Variants in FAT3 observed in about 807,000 individuals in gnomAD.
FAT3 encodes protocadherin Fat 3.
A neutral mutation model predicts 310.2 loss-of-function variants in FAT3; 95 were observed. The ratio of observed to expected loss-of-function variants is 0.31; its 90% CI spans 0.26 to 0.36. FAT3 has a LOEUF of 0.36. FAT3 is among the 10% of genes least tolerant of loss of function. The probability of loss-of-function intolerance (pLI) is 1.00; values close to 1 mark genes in which losing one functional copy is unlikely to be tolerated. For synonymous variants in FAT3, 2,314 were observed against 2,192.9 expected, an observed-to-expected ratio of 1.06 and a Z score of -1.54; for missense variants, 5,408 against 5,715.6, an observed-to-expected ratio of 0.95 and a Z score of 1.74.
At chr11:92,496,795 T>C (rs1294043104) in intron 2 of FAT3, among the ~76,000 whole-genome samples, 1 of 152,008 alleles carries the variant, frequency 6.6e-6, no homozygotes, top group Non-Finnish European at 1.5e-5. Flanking sequence ...TTATGTTTTA[T>C]AATATGAGAG....
chr11:92,440,788 A>G (rs1310617750), intron 2 of FAT3, among the ~76,000 whole-genome samples: 1 of 152,232 alleles, frequency 6.6e-6, no homozygotes, highest in Non-Finnish European at 1.5e-5. Flanking sequence ...TTCCAACCCC[A>G]AACTTTTTAA....
chr11:92,829,830 C>A (rs943009450), intron 13 of FAT3, among the ~76,000 whole-genome samples: 1 of 152,160 alleles, frequency 6.6e-6, no homozygotes, highest in Non-Finnish European at 1.5e-5. Context: ...GAACCAAGAA[C>A]AGGCTCTCAG....
rs747540079 is a variant in FAT3 at position 92,354,125 on chromosome 11, C to A, written c.2013C>A (p.Val671=). 12 of 1,613,720 alleles carry A rather than the reference C, an allele frequency of 7.4e-6. 1 individual carries two copies. In the South Asian group the frequency reaches 1.2e-4, roughly 16 times the overall value. ...ACCCCATGTCTATTAACATTTCAGT[C>A]CTACATGGGAAAGTGTCTTCAAAGA... ...LADPMSINIS[V]LHGKVSSKSF... is the part of the protein sequence containing the mutation. The change falls in exon 2 of 28, where the codon GTC becomes GTA. Residue 671 remains valine, a synonymous_variant. Transcript: ENST00000525166.
intron 1 of FAT3, among the ~76,000 whole-genome samples, chr11:92,310,527 AT>A (rs1464308167): frequency 6.6e-6 from 1 of 152,058 alleles, no homozygotes; most frequent in Non-Finnish European, 1.5e-5. Flanking sequence ...AACTATATAA[AT>A]TTTTTATTTG....
chr11:92,761,323 A>G (rs1490428631), intron 4 of FAT3, among the ~76,000 whole-genome samples: 1 of 152,328 alleles, frequency 6.6e-6, no homozygotes, highest in East Asian at 1.9e-4. Flanking sequence ...AATCCCATTC[A>G]TGAGGGTTTG....
At position 92,497,158 on chromosome 11, in the gene FAT3, A is replaced by T. The variant is rs1341813686; in HGVS notation, c.3293-27476A>T. 3.0e-4 allele frequency among the ~76,000 whole-genome samples: 45 copies of T among 151,918 alleles called. 1 individual carries two copies. The highest frequency in any genetic ancestry group is 3.0e-3 in the Admixed American group (45 of 15,230). ...CATAGACGCCTGGGCTTCCCCTTCC[A>T]TACCTAATTTAGTGCCCAGCTAGTG... On this transcript the variant is annotated intron_variant, in intron 2 of 27. Transcript: ENST00000525166.
At chr11:92,849,381 G>A (rs1451403846) in intron 19 of FAT3, among the ~76,000 whole-genome samples, 1 of 152,158 alleles carries the variant, frequency 6.6e-6, no homozygotes. Context: ...TCACAAGGCA[G>A]CACTGAGATG....
intron 1 of FAT3, among the ~76,000 whole-genome samples, chr11:92,324,779 G>A (rs1565227089): frequency 6.6e-6 from 1 of 152,204 alleles, no homozygotes; most frequent in African/African-American, 2.4e-5. Context: ...ATACAGTGAA[G>A]TGCAATAACA....
chr11:92,855,108 C>CAGTA (rs1454949372), intron 19 of FAT3, among the ~76,000 whole-genome samples: 2 of 152,086 alleles, frequency 1.3e-5, no homozygotes, highest in Non-Finnish European at 2.9e-5. Flanking sequence ...TAAGCATAGA[C>CAGTA]TACTGGTCAA....
intron 21 of FAT3, among the ~76,000 whole-genome samples, chr11:92,862,618 C>T (rs1463273758): frequency 2.0e-5 from 3 of 152,178 alleles, no homozygotes; most frequent in African/African-American, 7.2e-5. Context: ...TGTAAAACAG[C>T]CCACTTGGCA....
intron 1 of FAT3, among the ~76,000 whole-genome samples, chr11:92,337,770 T>A (rs1468365903): frequency 6.6e-6 from 1 of 152,256 alleles, no homozygotes; most frequent in Non-Finnish European, 1.5e-5. Context: ...TCTATTGGAT[T>A]ATTCAAGTTC....
chr11:92,728,303 T>A (rs1945061061), intron 4 of FAT3, among the ~76,000 whole-genome samples: 1 of 152,172 alleles, frequency 6.6e-6, no homozygotes, highest in African/African-American at 2.4e-5. Context: ...CAGTGTGCCT[T>A]TGTTTAAAAA....
At chr11:92,325,720 C>T (rs894238416) in intron 1 of FAT3, among the ~76,000 whole-genome samples, 1 of 152,194 alleles carries the variant, frequency 6.6e-6, no homozygotes, top group African/African-American at 2.4e-5. Context: ...CAACCTTCAC[C>T]TCCTGAGTTC....
chr11:92,276,169 G>A lies in FAT3; in HGVS notation c.-18+50995G>A, dbSNP rs140738029. ...AGCACAAACTATTTTACAAAACAAT[G>A]GCTAATACATTAACCCTTTTTTATT... On this transcript the variant is annotated intron_variant, in intron 1 of 27. Coordinates refer to ENST00000525166, the MANE Select transcript of FAT3 (RefSeq NM_001367949.2). Among the ~76,000 whole-genome samples the A allele has an allele frequency of 2.8e-4, 42 of 152,166 alleles. No homozygotes were observed. The East Asian group carries it at 7.7e-3, about 28-fold the overall frequency.
At chr11:92,888,251 G>A (rs750590398) in intron 25 of FAT3, among the ~76,000 whole-genome samples, 2 of 152,120 alleles carry the variant, frequency 1.3e-5, no homozygotes, top group Admixed American at 6.5e-5. Flanking sequence ...GACCATTATC[G>A]GAAGGTCAAA....
chr11:92,316,545 A>G (rs1947466787), intron 1 of FAT3, among the ~76,000 whole-genome samples: 1 of 152,224 alleles, frequency 6.6e-6, no homozygotes, highest in Admixed American at 6.5e-5. Context: ...AGTACTCTAC[A>G]ATTGACTGCT....
intron 3 of FAT3, among the ~76,000 whole-genome samples, chr11:92,686,162 G>A (rs1402073841): frequency 6.6e-6 from 1 of 152,164 alleles, no homozygotes; most frequent in African/African-American, 2.4e-5. Flanking sequence ...AGAACAGAAA[G>A]ACAGTGAAAT....
intron 2 of FAT3, among the ~76,000 whole-genome samples, chr11:92,360,835 G>T (rs982325357): frequency 1.3e-5 from 2 of 152,122 alleles, no homozygotes; most frequent in Middle Eastern, 3.2e-3. Flanking sequence ...AACAAGGTAG[G>T]GATCACTGAG....
At chr11:92,588,193 A>G (rs761333309) in intron 3 of FAT3, among the ~76,000 whole-genome samples, 2 of 146,460 alleles carry the variant, frequency 1.4e-5, no homozygotes, top group African/African-American at 5.3e-5. Context: ...TCTCTTTTCT[A>G]CCATTTACCT....
Sources: allele counts gnomAD v4.1 joint callset (sites outside exome capture counted in the v4.1 genomes callset), GRCh38; gene constraint gnomAD v4.1.1; transcripts MANE v1.5; gene names NCBI Gene and HGNC (gene_info 2026-07-23, HGNC 2026-07-21).